VGLL4: variants seen among roughly 807,000 people sequenced by gnomAD.
VGLL4 encodes the protein transcription cofactor vestigial-like protein 4.
In VGLL4, 7 loss-of-function variants were observed where a neutral mutation model predicts 21.0. That is an observed-to-expected ratio of 0.33 (90% CI 0.19 to 0.63). The LOEUF is 0.63. Ranked by LOEUF, VGLL4 falls within the 20% of genes least tolerant of loss-of-function variation. The pLI, the probability that VGLL4 is intolerant of heterozygous loss-of-function variation, is 0.78. For synonymous variants in VGLL4, 222 were observed against 173.2 expected (o/e 1.28, Z -2.21); for missense variants, 394 against 425.7 (o/e 0.93, Z 0.66).
chr3:11,564,407 C>CG (rs1012291143), intron 3 of VGLL4, among the ~76,000 whole-genome samples: 2 of 147,718 alleles, frequency 1.4e-5, no homozygotes, highest in African/African-American at 5.3e-5. Context: ...AACGTAGGAC[C>CG]CCCCCACCCG....
intron 2 of VGLL4, chr3:11,582,506 G>C: frequency 2.8e-6 from 2 of 714,532 alleles, no homozygotes; most frequent in Non-Finnish European, 2.2e-6. Flanking sequence ...GGTAGGTCAG[G>C]AACTCCTGGG....
At chr3:11,630,935 G>A (rs1001982707) in intron 1 of VGLL4, among the ~76,000 whole-genome samples, 4 of 146,400 alleles carry the variant, frequency 2.7e-5, no homozygotes, top group Non-Finnish European at 4.4e-5. Flanking sequence ...CTTGGCCACA[G>A]AATAAACAAT....
In VGLL4 at chr3:11,578,748, C is replaced by CTTTTTTTTTTTTTTT. The variant is rs71044228; in HGVS notation, c.273-13744_273-13730dup. Among the ~76,000 whole-genome samples the CTTTTTTTTTTTTTTT allele has an allele frequency of 2.1e-4, 22 of 104,698 alleles. 1 individual carries two copies. Among genetic ancestry groups the CTTTTTTTTTTTTTTT allele is most frequent in the Non-Finnish European group, 3.0e-4 (17 of 56,614 alleles). The allele number at this position is 104,698 out of a possible 152,430, so 68.7% of individuals were successfully genotyped here. On this transcript the variant is annotated intron_variant, in intron 2 of 4. Coordinates refer to ENST00000430365, the MANE Select transcript of VGLL4 (RefSeq NM_001128219.3). Reference sequence around the variant, plus strand: ...TTTTGAGGCATCTACTGTATATTTTCTTTTTTTTTTTTTTTTTTTGAGATG... The same window carrying CTTTTTTTTTTTTTTT: ...TTTTGAGGCATCTACTGTATATTTTCTTTTTTTTTTTTTTTTTTTTTTTTTTTTTTTTTTGAGATG...
At chr3:11,644,510 T>A (rs1223992623), upstream of VGLL4, among the ~76,000 whole-genome samples, 1 of 152,054 alleles carries the variant, frequency 6.6e-6, no homozygotes, top group African/African-American at 2.4e-5. Flanking sequence ...CCAAAATAGT[T>A]GACAGAACTA....
intron 2 of VGLL4, among the ~76,000 whole-genome samples, chr3:11,567,004 C>T (rs1038544369): frequency 6.6e-6 from 1 of 152,106 alleles, no homozygotes; most frequent in African/African-American, 2.4e-5. Flanking sequence ...CAACTGGAGG[C>T]GCATTCAAGC....
At chr3:11,632,132 A>T (rs1302737369) in intron 1 of VGLL4, among the ~76,000 whole-genome samples, 1 of 152,072 alleles carries the variant, frequency 6.6e-6, no homozygotes, top group Non-Finnish European at 1.5e-5. Flanking sequence ...CAGACAACAC[A>T]GTAAAACCCT....
intron 1 of VGLL4, among the ~76,000 whole-genome samples, chr3:11,604,947 A>G (rs1029305235): frequency 7.0e-6 from 1 of 143,620 alleles, no homozygotes; most frequent in Non-Finnish European, 1.5e-5. Flanking sequence ...AGATTGAACA[A>G]CTTTTACAGG....
At chr3:11,652,037 T>A (rs2075879154) in intron 2 of VGLL4, among the ~76,000 whole-genome samples, 1 of 152,210 alleles carries the variant, frequency 6.6e-6, no homozygotes, top group African/African-American at 2.4e-5. Context: ...CTCTGTAATA[T>A]AAGATTTTAA....
In VGLL4 at chr3:11,656,373, G is replaced by A. The variant is rs76289365; in HGVS notation, c.64+46598C>T. 6.2e-3 allele frequency among the ~76,000 whole-genome samples: 949 copies of A among 152,310 alleles called. 13 individuals are homozygous for A. Among genetic ancestry groups the A allele is most frequent in the African/African-American group, 0.022 (917 of 41,566 alleles). The stretch of plus-strand genomic sequence containing the variant: ...CTCCAGAGATGGTGTCCAACACAGG[G>A]AGGGATCCACGGTGACATATAAGGC... On this transcript the variant is annotated intron_variant, in intron 2 of 5. Transcript: ENST00000273038.
intron 2 of VGLL4, among the ~76,000 whole-genome samples, chr3:11,682,965 C>T (rs2076397453): frequency 6.6e-6 from 1 of 152,122 alleles, no homozygotes; most frequent in Non-Finnish European, 1.5e-5. Context: ...CGGTGGTTCA[C>T]ACCTGTAATC....
intron 2 of VGLL4, among the ~76,000 whole-genome samples, chr3:11,693,994 G>C (rs182459640): frequency 6.6e-6 from 1 of 152,086 alleles, no homozygotes; most frequent in Non-Finnish European, 1.5e-5. Flanking sequence ...GGCTGCTTCC[G>C]TTCAATTCTC....
Position 11,713,912 on chromosome 3 carries a change from T to G in VGLL4, c.-14+6482A>C, listed in dbSNP as rs533273307. Among the ~76,000 whole-genome samples, 3 of 152,242 alleles carry G rather than the reference T, an allele frequency of 2.0e-5. No individual in the cohort carries two copies. The South Asian group carries it at 6.2e-4, about 32-fold the overall frequency. On this transcript the variant is annotated intron_variant, in intron 1 of 5. Transcript: ENST00000273038. ...CTCTGCTCAACCACTCAAGGTTTCC[T>G]GATGCTAACGTGGCTCAGGGCTTGA...
In VGLL4 at chr3:11,684,814, G is replaced by A. The variant is rs565418128; in HGVS notation, c.64+18157C>T. 4.0e-5 allele frequency among the ~76,000 whole-genome samples: 6 copies of A among 151,394 alleles called. No individual in the cohort carries two copies. In the South Asian group the frequency reaches 6.3e-4, roughly 16 times the overall value. On this transcript the variant is annotated intron_variant, in intron 2 of 5. Coordinates refer to the VGLL4 transcript ENST00000273038. ...GCAATTCCTTTTGGTTTTCTTTTCCGTTTGTTTGCTTTTTGAGTTTTTTGT... is the reference window on the plus strand; with the variant it reads ...GCAATTCCTTTTGGTTTTCTTTTCCATTTGTTTGCTTTTTGAGTTTTTTGT...
chr3:11,590,636 A>T (rs1370861327), intron 2 of VGLL4, among the ~76,000 whole-genome samples: 1 of 151,670 alleles, frequency 6.6e-6, no homozygotes, highest in Non-Finnish European at 1.5e-5. Context: ...TTTTGGAGAC[A>T]ATCTGTGAAG....
At position 11,557,062 on chromosome 3, in the gene VGLL4, C is replaced by A. The variant is rs758549640; in HGVS notation, c.*1494G>T. On this transcript the variant is annotated 3_prime_UTR_variant, in exon 5 of 5. Coordinates refer to ENST00000430365, the MANE Select transcript of VGLL4 (RefSeq NM_001128219.3). ...CTTGCAGGTGAGGTGACCACGCCCA[C>A]GTCACCTGGTCAGGTGCCATCGTCG... is the stretch of plus-strand genomic sequence containing the variant. 2.6e-5 allele frequency: 4 copies of A among 152,484 alleles called. No individual in the cohort carries two copies. Among genetic ancestry groups the A allele is most frequent in the Non-Finnish European group, 5.9e-5 (4 of 68,048 alleles). The allele number at this position is 152,484 out of a possible 1,614,324, so 9.4% of individuals were successfully genotyped here.
intron 1 of VGLL4, among the ~76,000 whole-genome samples, chr3:11,714,801 A>T (rs1008625504): frequency 1.2e-4 from 18 of 152,290 alleles, no homozygotes; most frequent in African/African-American, 4.1e-4. Flanking sequence ...CAAGTGCTAA[A>T]GCGACACATA....
chr3:11,600,497 C>G (rs1377005681), intron 2 of VGLL4, among the ~76,000 whole-genome samples: 2 of 152,194 alleles, frequency 1.3e-5, no homozygotes, highest in Non-Finnish European at 2.9e-5. Context: ...GCTAGCCCTG[C>G]CTGCGGAGTG....
At chr3:11,578,720 A>T (rs958936110) in intron 2 of VGLL4, among the ~76,000 whole-genome samples, 15 of 147,214 alleles carry the variant, frequency 1.0e-4, no homozygotes, top group Non-Finnish European at 1.6e-4. Context: ...ATCTAGTAAG[A>T]GATTTTGAGG....
chr3:11,708,704 G>T (rs1348464462), intron 1 of VGLL4, among the ~76,000 whole-genome samples: 1 of 152,110 alleles, frequency 6.6e-6, no homozygotes, highest in Non-Finnish European at 1.5e-5. Context: ...ACAAATCTAG[G>T]TCTATCCCAA....
Sources: gnomAD v4.1 joint callset for allele counts (sites outside exome capture counted in the v4.1 genomes callset) on GRCh38, gnomAD v4.1.1 for gene constraint, MANE v1.5 for transcripts, NCBI Gene and HGNC (gene_info 2026-07-23, HGNC 2026-07-21) for gene names.